Variants in JAKMIP2 observed in about 807,000 individuals in gnomAD.
JAKMIP2 encodes the protein janus kinase and microtubule interacting protein 2, also known as janus kinase and microtubule-interacting protein 2.
In JAKMIP2, 25 loss-of-function variants were observed where a neutral mutation model predicts 115.0. The ratio of observed to expected loss-of-function variants is 0.22; its 90% CI spans 0.16 to 0.30. The LOEUF (loss-of-function observed/expected upper bound fraction) is 0.30. JAKMIP2 is among the 10% of genes least tolerant of loss of function. The pLI is 1.00. For missense variants in JAKMIP2, 642 were observed against 957.6 expected (o/e 0.67, Z 4.35); for synonymous variants, 334 against 343.6 (o/e 0.97, Z 0.31).
rs1452559298 is a variant in JAKMIP2 at position 147,586,308 on chromosome 5, C to T, written c.*5399G>A. On this transcript the variant is annotated 3_prime_UTR_variant, in exon 22 of 22. Coordinates refer to ENST00000616793, the MANE Select transcript of JAKMIP2 (RefSeq NM_001270941.2). ...TATATCTGTGCATATATTTACATCA[C>T]ATATTTATAAAAATGTTTGGATTTT... 2 of 152,160 alleles carry T rather than the reference C, an allele frequency of 1.3e-5. No homozygotes were observed. Among genetic ancestry groups the T allele is most frequent in the Non-Finnish European group, 2.9e-5 (2 of 68,054 alleles). The allele number at this position is 152,160 out of a possible 1,614,324, so 9.4% of individuals were successfully genotyped here.
chr5:147,601,299 T>C (rs946103928), intron 21 of JAKMIP2, among the ~76,000 whole-genome samples: 3 of 152,282 alleles, frequency 2.0e-5, no homozygotes, highest in African/African-American at 7.2e-5. Context: ...TTTAAAAATA[T>C]AGCATAGTTA....
At position 147,639,521 on chromosome 5, in the gene JAKMIP2, G is replaced by A. The variant is rs1054618315; in HGVS notation, c.1530+111C>T. 9 of 1,259,356 alleles carry A rather than the reference G, an allele frequency of 7.1e-6. No homozygotes were observed. In the African/African-American group the frequency reaches 7.6e-5, roughly 11 times the overall value. 78.0% of individuals were successfully genotyped at this position (1,259,356 alleles called of 1,614,324 possible). ...GCTATAACAATTCAAAAGCTGCAGA[G>A]GAGAGAAGAATACAGGGAAAGCTGT... On this transcript the variant is annotated intron_variant, in intron 10 of 21. Coordinates refer to ENST00000616793, the MANE Select transcript of JAKMIP2 (RefSeq NM_001270941.2).
intron 1 of JAKMIP2, among the ~76,000 whole-genome samples, chr5:147,744,287 A>G (rs1339143422): frequency 1.3e-5 from 2 of 152,158 alleles, no homozygotes; most frequent in Non-Finnish European, 2.9e-5. Context: ...TTTAATGATG[A>G]CAGGGGGCAC....
intron 1 of JAKMIP2, among the ~76,000 whole-genome samples, chr5:147,748,054 G>A (rs535692349): frequency 2.0e-5 from 3 of 152,188 alleles, no homozygotes; most frequent in African/African-American, 7.2e-5. Flanking sequence ...AGACTATTCC[G>A]AGCACTCTGC....
intron 16 of JAKMIP2, among the ~76,000 whole-genome samples, chr5:147,626,678 A>G (rs984957385): frequency 6.6e-6 from 1 of 152,216 alleles, no homozygotes; most frequent in Non-Finnish European, 1.5e-5. Flanking sequence ...GTTGGTTCTG[A>G]TAAGTACAGT....
At chr5:147,719,916 A>G (rs919494445) in intron 1 of JAKMIP2, among the ~76,000 whole-genome samples, 76 of 152,180 alleles carry the variant, frequency 5.0e-4, no homozygotes, top group South Asian at 3.1e-3. Flanking sequence ...GATTTTGCTC[A>G]TTAGTTGATG....
chr5:147,623,446 G>A (rs1378793518), intron 17 of JAKMIP2, among the ~76,000 whole-genome samples, 175 bp downstream of exon 17: 1 of 152,008 alleles, frequency 6.6e-6, no homozygotes, highest in Non-Finnish European at 1.5e-5. Context: ...GGAGAATATA[G>A]CCTGAAATTG....
chr5:147,662,161 TAC>T (rs61492351), intron 2 of JAKMIP2, among the ~76,000 whole-genome samples: 103 of 146,832 alleles, frequency 7.0e-4, no homozygotes, highest in East Asian at 4.1e-3. Flanking sequence ...CCCCAAGTTT[TAC>T]ACACACACAC....
At chr5:147,743,064 T>C (rs1168157940) in intron 1 of JAKMIP2, among the ~76,000 whole-genome samples, 1 of 152,228 alleles carries the variant, frequency 6.6e-6, no homozygotes, top group South Asian at 2.1e-4. Context: ...TCAACTTTAC[T>C]GAGTACTTAT....
At chr5:147,717,655 G>C (rs1753066841) in intron 1 of JAKMIP2, among the ~76,000 whole-genome samples, 1 of 151,192 alleles carries the variant, frequency 6.6e-6, no homozygotes, top group South Asian at 2.1e-4. Context: ...TTTGTCTGTT[G>C]CTGTTGTATA....
chr5:147,765,854 C>T (rs570481662), intron 1 of JAKMIP2, among the ~76,000 whole-genome samples: 1 of 152,220 alleles, frequency 6.6e-6, no homozygotes, highest in South Asian at 2.1e-4. Flanking sequence ...TTCAAATCTA[C>T]ATTTTCATTG....
At chr5:147,606,232 G>A (rs192456129) in intron 20 of JAKMIP2, among the ~76,000 whole-genome samples, 1 of 152,086 alleles carries the variant, frequency 6.6e-6, no homozygotes, top group Admixed American at 6.5e-5. Flanking sequence ...ATTGCTTTTG[G>A]TGTTTTAGTC....
At chr5:147,599,469 T>C (rs1030550407) in intron 21 of JAKMIP2, among the ~76,000 whole-genome samples, 3 of 152,238 alleles carry the variant, frequency 2.0e-5, no homozygotes, top group Non-Finnish European at 4.4e-5. Context: ...AGATTCACTG[T>C]CACATTCATC....
intron 1 of JAKMIP2, among the ~76,000 whole-genome samples, chr5:147,697,124 C>A (rs561083282): frequency 6.6e-6 from 1 of 152,230 alleles, no homozygotes; most frequent in East Asian, 1.9e-4. Flanking sequence ...CTAATAAAAA[C>A]ATACCTGAGA....
intron 1 of JAKMIP2, among the ~76,000 whole-genome samples, chr5:147,700,719 A>T (rs1752291992): frequency 6.6e-6 from 1 of 152,204 alleles, no homozygotes; most frequent in Non-Finnish European, 1.5e-5. Flanking sequence ...GCAATCTCTG[A>T]GGGAAAAAGC....
chr5:147,757,012 G>A (rs1754766781), intron 1 of JAKMIP2, among the ~76,000 whole-genome samples: 1 of 151,994 alleles, frequency 6.6e-6, no homozygotes, highest in Non-Finnish European at 1.5e-5. Flanking sequence ...TAGTTTTTTT[G>A]GTAGAGAAAA....
chr5:147,747,614 A>G (rs1754394267), intron 1 of JAKMIP2, among the ~76,000 whole-genome samples: 1 of 152,126 alleles, frequency 6.6e-6, no homozygotes. Context: ...TGTCCCGCAG[A>G]CCATCTTCCA....
chr5:147,640,757 C>T lies in JAKMIP2; in HGVS notation c.1348G>A (p.Ala450Thr), dbSNP rs1173394877. The change falls in exon 9 of 22, where the codon GCC becomes ACC. Residue 450 changes from alanine to threonine, a missense_variant. Coordinates refer to ENST00000616793, the MANE Select transcript of JAKMIP2 (RefSeq NM_001270941.2). The stretch of plus-strand genomic sequence containing the variant: ...GGTGTTCTGTCTGTTCTAAATGAGG[C>T]CATGGATGATGTCTCTGAATCCATA... ...DSMDSETSSM[A>T]SFRTDRTPAT... The T allele has an allele frequency of 1.2e-6, 2 of 1,613,594 alleles. No individual in the cohort carries two copies. Among genetic ancestry groups the T allele is most frequent in the South Asian group, 2.2e-5 (2 of 91,062 alleles).
intron 1 of JAKMIP2, among the ~76,000 whole-genome samples, chr5:147,685,612 G>A (rs73270168): frequency 0.014 from 2,114 of 152,206 alleles, 49 homozygotes; most frequent in African/African-American, 0.048. Context: ...ATATTTGAGG[G>A]AAAGCAGTAC....
Sources: gnomAD v4.1 joint callset for allele counts (sites outside exome capture counted in the v4.1 genomes callset) on GRCh38, gnomAD v4.1.1 for gene constraint, MANE v1.5 for transcripts, NCBI Gene and HGNC (gene_info 2026-07-23, HGNC 2026-07-21) for gene names.